KIAA2012: variants seen among roughly 807,000 people sequenced by gnomAD.
KIAA2012 encodes the protein uncharacterized protein KIAA2012.
Under a neutral mutation model 150.6 loss-of-function variants are expected in KIAA2012, and 125 were observed. The ratio of observed to expected loss-of-function variants is 0.83; its 90% confidence interval spans 0.72 to 0.96. The LOEUF (loss-of-function observed/expected upper bound fraction) is 0.96. Ranked by LOEUF, KIAA2012 falls within the 40% of genes least tolerant of loss-of-function variation. KIAA2012 has a pLI of 0.00. For missense variants in KIAA2012, 1,219 were observed against 1,354.9 expected, an observed-to-expected ratio of 0.90 and a Z score of 1.57; for synonymous variants, 462 against 504.7, an observed-to-expected ratio of 0.92 and a Z score of 1.13.
intron 3 of KIAA2012, among the ~76,000 whole-genome samples, 184 bp downstream of exon 3, chr2:202,091,113 C>T (rs1326451256): frequency 2.0e-5 from 3 of 152,242 alleles, no homozygotes; most frequent in Non-Finnish European, 4.4e-5. Context: ...TGTCCTCTGA[C>T]GCATTTGCAG....
At chr2:202,142,358 TC>T (rs1356312745) in intron 13 of KIAA2012, among the ~76,000 whole-genome samples, 9 of 152,256 alleles carry the variant, frequency 5.9e-5, no homozygotes, top group Admixed American at 3.9e-4. Flanking sequence ...ATTTCTGACT[TC>T]CGGGAATTTA....
At chr2:202,129,439 C>T (rs868122894) in intron 12 of KIAA2012, among the ~76,000 whole-genome samples, 5 of 152,042 alleles carry the variant, frequency 3.3e-5, no homozygotes, top group African/African-American at 7.2e-5. Context: ...AGGCTGGTCT[C>T]GAACTCCTGA....
At chr2:202,143,115 T>C (rs768082835) in intron 13 of KIAA2012, among the ~76,000 whole-genome samples, 1 of 149,492 alleles carries the variant, frequency 6.7e-6, no homozygotes, top group Non-Finnish European at 1.5e-5. Context: ...GATAGAGTCT[T>C]GCTCTGTCAC....
At chr2:202,101,099 T>C (rs1690033455) in intron 7 of KIAA2012, among the ~76,000 whole-genome samples, 1 of 152,202 alleles carries the variant, frequency 6.6e-6, no homozygotes, top group African/African-American at 2.4e-5. Flanking sequence ...CTGAGCACAG[T>C]GACTTTATCT....
intron 21 of KIAA2012, 123 bp downstream of exon 21, chr2:202,194,485 T>A: frequency 9.8e-7 from 1 of 1,018,664 alleles, no homozygotes; most frequent in Non-Finnish European, 1.4e-6. Context: ...CTAAATAATA[T>A]AAACTATTTT....
At chr2:202,151,592 C>G (rs894561722) in intron 13 of KIAA2012, among the ~76,000 whole-genome samples, 1 of 152,048 alleles carries the variant, frequency 6.6e-6, no homozygotes, top group Non-Finnish European at 1.5e-5. Flanking sequence ...CTCCTAGCAC[C>G]ATTGTGTTGT....
rs187989699 is a variant in KIAA2012, at chr2:202,190,021, G to A, written c.2492-153G>A. ...GGGAGGATCACAAGCCCAGGAGTTC[G>A]AGGCTGCAGTGAGCCATGATCGTGC... is the stretch of plus-strand genomic sequence containing the variant. On this transcript the variant is annotated intron_variant, in intron 18 of 23. Transcript: ENST00000498697. Among the ~76,000 whole-genome samples the A allele has an allele frequency of 1.2e-3, 179 of 152,048 alleles. 1 individual carries two copies. The highest frequency in any genetic ancestry group is 2.0e-3 in the Non-Finnish European group (139 of 67,990).
At chr2:202,089,781 T>G (rs1216871733) in intron 2 of KIAA2012, among the ~76,000 whole-genome samples, 1 of 152,224 alleles carries the variant, frequency 6.6e-6, no homozygotes, top group Non-Finnish European at 1.5e-5. Context: ...GGATACTGAC[T>G]AAAAAGCGGC....
At chr2:202,112,417 C>T (rs1474893779) in intron 10 of KIAA2012, among the ~76,000 whole-genome samples, 1 of 152,174 alleles carries the variant, frequency 6.6e-6, no homozygotes, top group Non-Finnish European at 1.5e-5. Flanking sequence ...TATAAATAAG[C>T]CAGAAAATAT....
intron 12 of KIAA2012, among the ~76,000 whole-genome samples, chr2:202,131,942 G>A (rs1376094144): frequency 2.0e-5 from 3 of 152,148 alleles, no homozygotes; most frequent in East Asian, 1.9e-4. Context: ...TTGGGAGGCC[G>A]AGGCAGGCAG....
chr2:202,160,521 G>T (rs1260803956), intron 14 of KIAA2012, among the ~76,000 whole-genome samples: 1 of 151,980 alleles, frequency 6.6e-6, no homozygotes, highest in Non-Finnish European at 1.5e-5. Flanking sequence ...TACCATGTTA[G>T]CCAGCATGGT....
At chr2:202,193,573 C>A in intron 20 of KIAA2012, 70 bp downstream of exon 20, 2 of 1,462,204 alleles carry the variant, frequency 1.4e-6, no homozygotes, top group Non-Finnish European at 9.3e-7. Flanking sequence ...GGTTGACCTC[C>A]CCTAGGGGCA....
rs1201470429 is a variant in KIAA2012, at chr2:202,196,821, A to G, written c.3209A>G (p.Glu1070Gly). ...GCAGAGGCAGAGAAGCAAAGGCAAG[A>G]GGAATTGGAAATGCAGTTAGAAGAA... is the stretch of plus-strand genomic sequence containing the variant. ...ERAEAEKQRQEELEMQLEEEQ... is the reference protein window; with the variant it reads ...ERAEAEKQRQGELEMQLEEEQ... Residue 1070 changes from glutamate to glycine, a missense_variant, in exon 22 of 24, where the codon GAG becomes GGG. By Grantham distance (98) the Glu-to-Gly change is moderately conservative (BLOSUM62 -2). Transcript: ENST00000498697. The G allele has an allele frequency of 1.3e-6, 2 of 1,550,466 alleles. No homozygotes were observed. The highest frequency in any genetic ancestry group is 1.7e-6 in the Non-Finnish European group (2 of 1,147,000).
At chr2:202,083,483 A>G (rs1689496929) in intron 2 of KIAA2012, among the ~76,000 whole-genome samples, 1 of 152,016 alleles carries the variant, frequency 6.6e-6, no homozygotes, top group Non-Finnish European at 1.5e-5. Flanking sequence ...GTGTTCTAAG[A>G]TTTGGCCTTT....
chr2:202,161,336 T>C (rs1691650611), intron 14 of KIAA2012, among the ~76,000 whole-genome samples: 1 of 152,218 alleles, frequency 6.6e-6, no homozygotes, highest in Admixed American at 6.5e-5. Flanking sequence ...GTGCTCTAAA[T>C]ACAGCTCAGT....
intron 22 of KIAA2012, chr2:202,201,502 G>A: frequency 1.2e-6 from 2 of 1,606,182 alleles, no homozygotes; most frequent in East Asian, 2.2e-5. Context: ...CATCCAGGAG[G>A]TGGAGGAAGA....
chr2:202,142,777 T>C (rs1161199023), intron 13 of KIAA2012, among the ~76,000 whole-genome samples: 1 of 152,114 alleles, frequency 6.6e-6, no homozygotes, highest in African/African-American at 2.4e-5. Flanking sequence ...CAGTTATAAT[T>C]TGGCAATGGC....
At chr2:202,136,133 A>G in intron 12 of KIAA2012, 1 of 288,518 alleles carries the variant, frequency 3.5e-6, no homozygotes. Context: ...TGGTGTGTCC[A>G]GAGTTTATTC....
At chr2:202,088,187 G>A (rs1422504032) in intron 2 of KIAA2012, among the ~76,000 whole-genome samples, 2 of 152,074 alleles carry the variant, frequency 1.3e-5, no homozygotes, top group East Asian at 3.9e-4. Flanking sequence ...CAGAGGTCCT[G>A]GAACCAATTC....
Sources: allele counts gnomAD v4.1 joint callset (sites outside exome capture counted in the v4.1 genomes callset), GRCh38; gene constraint gnomAD v4.1.1; transcripts MANE v1.5; gene names NCBI Gene and HGNC (gene_info 2026-07-23, HGNC 2026-07-21).